DCDC1: variants seen among roughly 807,000 people sequenced by gnomAD.
DCDC1 encodes the protein doublecortin domain containing 1.
In DCDC1, 200 loss-of-function variants were observed where a neutral mutation model predicts 178.3. The ratio of observed to expected loss-of-function variants is 1.12; its 90% CI spans 1.00 to 1.26. The LOEUF is 1.26. DCDC1 is among the 50% of genes most tolerant of loss of function. The pLI is 0.00. For missense variants in DCDC1, 1,983 were observed against 1,749.2 expected, an observed-to-expected ratio of 1.13 and a Z score of -2.38; for synonymous variants, 690 against 604.8, an observed-to-expected ratio of 1.14 and a Z score of -2.07.
chr11:31,118,151 T>A (rs148369990), intron 11 of DCDC1, among the ~76,000 whole-genome samples: 22 of 152,192 alleles, frequency 1.4e-4, no homozygotes, highest in Non-Finnish European at 2.2e-4. Flanking sequence ...ATAAACTAAA[T>A]CATCAAACTT....
intron 6 of DCDC1, among the ~76,000 whole-genome samples, chr11:31,298,417 G>A: frequency 7.1e-6 from 1 of 141,512 alleles, no homozygotes; most frequent in Non-Finnish European, 1.6e-5. Flanking sequence ...TGCTGGGTTA[G>A]GATGCAGGTG....
At chr11:30,873,105 C>G (rs1022966101) in intron 38 of DCDC1, among the ~76,000 whole-genome samples, 14 of 150,344 alleles carry the variant, frequency 9.3e-5, no homozygotes, top group African/African-American at 3.2e-4. Context: ...CTCTCTGTCT[C>G]TCTCTCTCTC....
intron 4 of DCDC1, among the ~76,000 whole-genome samples, chr11:31,307,103 G>A (rs184511205): frequency 6.6e-6 from 1 of 152,224 alleles, no homozygotes; most frequent in East Asian, 1.9e-4. Context: ...AAATAAAAAT[G>A]TCACACAAAT....
chr11:31,026,396 G>T (rs1322150462), intron 20 of DCDC1, among the ~76,000 whole-genome samples: 3 of 151,876 alleles, frequency 2.0e-5, no homozygotes, highest in Non-Finnish European at 3.0e-5. Context: ...ATCCCAAGAC[G>T]TTATGGAATA....
chr11:30,873,564 C>A (rs973873158), intron 38 of DCDC1, among the ~76,000 whole-genome samples: 1 of 152,048 alleles, frequency 6.6e-6, no homozygotes, highest in Admixed American at 6.6e-5. Context: ...GAATTTGTTA[C>A]CGAACTGAAA....
intron 21 of DCDC1, among the ~76,000 whole-genome samples, chr11:30,952,186 C>T (rs980673930): frequency 2.0e-5 from 3 of 152,100 alleles, no homozygotes; most frequent in Non-Finnish European, 4.4e-5. Context: ...ATTTTGAACA[C>T]GTGTGTGCCT....
chr11:31,242,210 G>A (rs1034312860), intron 8 of DCDC1, among the ~76,000 whole-genome samples: 11 of 151,710 alleles, frequency 7.3e-5, no homozygotes, highest in African/African-American at 2.7e-4. Flanking sequence ...TTCAGTTTCT[G>A]GAATATGAAA....
At chr11:31,232,289 T>TA (rs1975868157) in intron 9 of DCDC1, among the ~76,000 whole-genome samples, 1 of 152,192 alleles carries the variant, frequency 6.6e-6, no homozygotes, top group South Asian at 2.1e-4. Context: ...TTTTTGTTAA[T>TA]AGAGTTAATT....
chr11:31,266,826 T>C (rs752384089), intron 7 of DCDC1, among the ~76,000 whole-genome samples: 1 of 152,196 alleles, frequency 6.6e-6, no homozygotes, highest in Non-Finnish European at 1.5e-5. Context: ...AGAGGCAAAG[T>C]TGCACTTTCC....
chr11:30,993,701 G>A (rs1951104984), intron 20 of DCDC1, among the ~76,000 whole-genome samples: 1 of 151,936 alleles, frequency 6.6e-6, no homozygotes, highest in Non-Finnish European at 1.5e-5. Flanking sequence ...CCATATATAT[G>A]ACAAATTAAA....
At chr11:31,277,919 C>T (rs1946110820) in intron 7 of DCDC1, among the ~76,000 whole-genome samples, 2 of 151,424 alleles carry the variant, frequency 1.3e-5, no homozygotes, top group African/African-American at 2.4e-5. Flanking sequence ...TTGATTCAGA[C>T]AAAGTATAAT....
At chr11:30,928,818 C>T (rs1946753509) in intron 22 of DCDC1, among the ~76,000 whole-genome samples, 1 of 150,680 alleles carries the variant, frequency 6.6e-6, no homozygotes, top group Admixed American at 6.6e-5. Flanking sequence ...TAATGCTGAA[C>T]ACTATGAAAT....
intron 9 of DCDC1, among the ~76,000 whole-genome samples, chr11:31,147,466 C>CT (rs1298017407): frequency 6.6e-6 from 1 of 152,090 alleles, no homozygotes; most frequent in Non-Finnish European, 1.5e-5. Context: ...CTAGGGATGC[C>CT]TGGGGGCTAG....
At chr11:31,250,682 G>A (rs1439997145) in intron 8 of DCDC1, among the ~76,000 whole-genome samples, 1 of 151,646 alleles carries the variant, frequency 6.6e-6, no homozygotes, top group Non-Finnish European at 1.5e-5. Context: ...CACCCAAGAA[G>A]GAGGAGCATT....
chr11:31,090,610 T>C (rs377424296), intron 17 of DCDC1, among the ~76,000 whole-genome samples: 3 of 152,182 alleles, frequency 2.0e-5, no homozygotes, highest in African/African-American at 7.2e-5. Context: ...TTTGAGTCTG[T>C]AGATCACATT....
In DCDC1 at chr11:31,369,686, T is replaced by C. The variant is rs569385; in HGVS notation, c.-125+11A>G. 63,967 of 152,474 alleles carry C rather than the reference T, an allele frequency of 0.42. 14,434 individuals carry two copies. Among genetic ancestry groups the C allele is most frequent in the African/African-American group, 0.58 (24,012 of 41,434 alleles). The allele number at this position is 152,474 out of a possible 1,614,324, so 9.4% of individuals were successfully genotyped here. ...GCCAAAGGCGCCTTTCTTCACAGTTTGGGAACTTACTGGTAGTAAACGCCA... is the reference window on the plus strand; with the variant it reads ...GCCAAAGGCGCCTTTCTTCACAGTTCGGGAACTTACTGGTAGTAAACGCCA... On this transcript the variant is annotated intron_variant, in intron 1 of 38. Coordinates refer to ENST00000684477, the MANE Select transcript of DCDC1 (RefSeq NM_001387274.1).
intron 36 of DCDC1, among the ~76,000 whole-genome samples, chr11:30,881,539 G>A (rs759526059): frequency 6.6e-5 from 10 of 152,086 alleles, no homozygotes; most frequent in South Asian, 2.1e-4. Flanking sequence ...TTGTAGTTCC[G>A]TATTTTTTCA....
At chr11:31,233,087 C>CAAA (rs145908518) in intron 9 of DCDC1, among the ~76,000 whole-genome samples, 1 of 122,734 alleles carries the variant, frequency 8.1e-6, no homozygotes, top group Non-Finnish European at 1.7e-5. Flanking sequence ...GACTTCATCT[C>CAAA]AAAAAAAAAA....
intron 20 of DCDC1, among the ~76,000 whole-genome samples, chr11:31,042,277 C>G (rs2135355873): frequency 6.6e-6 from 1 of 152,282 alleles, no homozygotes; most frequent in Admixed American, 6.5e-5. Context: ...TAATTCAAAA[C>G]TTGTTTATGT....
Sources: gnomAD v4.1 joint callset for allele counts (sites outside exome capture counted in the v4.1 genomes callset) on GRCh38, gnomAD v4.1.1 for gene constraint, MANE v1.5 for transcripts, NCBI Gene and HGNC (gene_info 2026-07-23, HGNC 2026-07-21) for gene names.